CSNK2A2IP: variants seen among roughly 807,000 people sequenced by gnomAD.
CSNK2A2IP encodes the protein casein kinase 2 subunit alpha' interacting protein, also known as casein kinase II subunit alpha'-interacting protein.
At chr3:88,427,262 CAA>C in the CSNK2A2IP span, among the ~76,000 whole-genome samples, 1 of 152,144 alleles carries the variant, frequency 6.6e-6, no homozygotes, top group Non-Finnish European at 1.5e-5. Context: ...AATTTGAACT[CAA>C]GAGAGATGAT....
chr3:88,418,909 C>T, the CSNK2A2IP span, among the ~76,000 whole-genome samples: 2 of 152,156 alleles, frequency 1.3e-5, no homozygotes, highest in African/African-American at 4.8e-5. Flanking sequence ...CATCATGGCT[C>T]ACGTTACCAC....
chr3:88,453,925 C>G, the CSNK2A2IP span, among the ~76,000 whole-genome samples: 1 of 151,982 alleles, frequency 6.6e-6, no homozygotes, highest in African/African-American at 2.4e-5. Context: ...TTTATATGAG[C>G]ATATGCTTTC....
At chr3:88,412,899 T>C in the CSNK2A2IP span, among the ~76,000 whole-genome samples, 2 of 152,072 alleles carry the variant, frequency 1.3e-5, no homozygotes, top group Admixed American at 1.3e-4. Context: ...ATATATGCAG[T>C]CCATTGTTGC....
chr3:88,351,619 A>G, the CSNK2A2IP span, among the ~76,000 whole-genome samples: 1 of 152,076 alleles, frequency 6.6e-6, no homozygotes, highest in African/African-American at 2.4e-5. Flanking sequence ...CTAATAAAAA[A>G]TTTCACTTAA....
At chr3:88,439,691 G>A in the CSNK2A2IP span, among the ~76,000 whole-genome samples, 9 of 145,202 alleles carry the variant, frequency 6.2e-5, no homozygotes, top group African/African-American at 1.0e-4. Flanking sequence ...GCAGTGAGCC[G>A]AGATCATGCC....
At chr3:88,368,870 T>A in the CSNK2A2IP span, among the ~76,000 whole-genome samples, 2 of 151,998 alleles carry the variant, frequency 1.3e-5, no homozygotes, top group Non-Finnish European at 2.9e-5. Context: ...TTCCAGAAAG[T>A]CTCTTGGAAG....
At chr3:88,450,590 C>T in the CSNK2A2IP span, among the ~76,000 whole-genome samples, 1 of 152,158 alleles carries the variant, frequency 6.6e-6, no homozygotes, top group East Asian at 1.9e-4. Flanking sequence ...GTCCTTCAGG[C>T]TCATCCCTGT....
chr3:88,371,915 A>G, the CSNK2A2IP span, among the ~76,000 whole-genome samples: 1 of 151,644 alleles, frequency 6.6e-6, no homozygotes, highest in Non-Finnish European at 1.5e-5. Flanking sequence ...CAAAGTGCTT[A>G]AAGAACAACA....
At chr3:88,387,611 T>C in the CSNK2A2IP span, among the ~76,000 whole-genome samples, 248 of 152,320 alleles carry the variant, frequency 1.6e-3, no homozygotes, top group African/African-American at 5.7e-3. Flanking sequence ...TGGAATGGTA[T>C]TGGTATGTGA....
the CSNK2A2IP span, chr3:88,467,238 CTCT>C: frequency 3.9e-4 from 156 of 401,410 alleles, no homozygotes; most frequent in Middle Eastern, 6.6e-3. Flanking sequence ...CCTCCTCCTC[CTCT>C]GTTGCCTCTG....
chr3:88,370,038 G>A, the CSNK2A2IP span, among the ~76,000 whole-genome samples: 1 of 151,816 alleles, frequency 6.6e-6, no homozygotes, highest in Non-Finnish European at 1.5e-5. Flanking sequence ...TTCACACCAT[G>A]GGGGAGACAA....
the CSNK2A2IP span, among the ~76,000 whole-genome samples, chr3:88,396,477 GA>G: frequency 6.6e-6 from 1 of 152,186 alleles, no homozygotes; most frequent in African/African-American, 2.4e-5. Flanking sequence ...GTTTTCCTGT[GA>G]AAATGCAAGG....
the CSNK2A2IP span, among the ~76,000 whole-genome samples, chr3:88,339,558 C>G: frequency 6.6e-6 from 1 of 151,820 alleles, no homozygotes; most frequent in Non-Finnish European, 1.5e-5. Context: ...AGCTTTATAC[C>G]CAGCACTCAC....
the CSNK2A2IP span, among the ~76,000 whole-genome samples, chr3:88,346,560 C>A: frequency 1.3e-5 from 2 of 151,916 alleles, no homozygotes; most frequent in Non-Finnish European, 1.5e-5. Context: ...TCTTCCTGTG[C>A]ACTAGAAATG....
chr3:88,388,162 C>A, the CSNK2A2IP span, among the ~76,000 whole-genome samples: 1 of 152,156 alleles, frequency 6.6e-6, no homozygotes, highest in Non-Finnish European at 1.5e-5. Flanking sequence ...TAGTTTCTAA[C>A]AATTCCATGA....
the CSNK2A2IP span, among the ~76,000 whole-genome samples, chr3:88,430,987 A>C: frequency 6.6e-6 from 1 of 152,216 alleles, no homozygotes; most frequent in African/African-American, 2.4e-5. Context: ...ACTAAATGGC[A>C]GAAGATAATA....
chr3:88,387,117 T>C, the CSNK2A2IP span, among the ~76,000 whole-genome samples: 8 of 151,864 alleles, frequency 5.3e-5, no homozygotes, highest in Non-Finnish European at 8.8e-5. Flanking sequence ...AATTTCAGCA[T>C]TGCAACAACC....
the CSNK2A2IP span, among the ~76,000 whole-genome samples, chr3:88,386,620 C>A: frequency 3.3e-5 from 5 of 152,062 alleles, no homozygotes. Context: ...TGGGGAAGAA[C>A]AGAGTACCAG....
At chr3:88,397,443 A>G in the CSNK2A2IP span, among the ~76,000 whole-genome samples, 1 of 152,172 alleles carries the variant, frequency 6.6e-6, no homozygotes, top group African/African-American at 2.4e-5. Context: ...ACTATTATTA[A>G]CAAGAATAAT....
Sources: allele counts gnomAD v4.1 joint callset (sites outside exome capture counted in the v4.1 genomes callset), GRCh38; gene constraint gnomAD v4.1.1; transcripts MANE v1.5; gene names NCBI Gene and HGNC (gene_info 2026-07-23, HGNC 2026-07-21).